The following DGKA variants were observed in gnomAD, a reference collection of about 807,000 sequenced individuals.
DGKA encodes 80 kDa diacylglycerol kinase.
DGKA carries 35 observed loss-of-function variants against 105.0 expected under a neutral mutation model. The observed-to-expected ratio is 0.33, with a 90% CI of 0.25 to 0.44. The LOEUF (loss-of-function observed/expected upper bound fraction) is 0.44, where lower values mean the gene tolerates loss of function less well. Among genes scored for constraint, DGKA ranks in the 20% least tolerant of loss-of-function variants. The pLI is 1.00. For missense variants in DGKA, 665 were observed against 915.0 expected (o/e 0.73, Z 3.53); for synonymous variants, 296 against 332.0 (o/e 0.89, Z 1.18).
At chr12:55,937,324 T>C in intron 3 of DGKA, 84 bp from the exon 4 acceptor site, 1 of 1,502,676 alleles carries the variant, frequency 6.7e-7, no homozygotes, top group Non-Finnish European at 9.1e-7. Context: ...CTGCATTTAT[T>C]ATCCCTGTCC....
chr12:55,944,792 A>G (rs943350152), intron 17 of DGKA, among the ~76,000 whole-genome samples: 11 of 152,056 alleles, frequency 7.2e-5, no homozygotes, highest in Admixed American at 1.3e-4. Context: ...TTATTCATTT[A>G]TTTATTTTTA....
chr12:55,944,852 T>G (rs1886698430), intron 17 of DGKA, among the ~76,000 whole-genome samples: 1 of 152,166 alleles, frequency 6.6e-6, no homozygotes, highest in Non-Finnish European at 1.5e-5. Context: ...TAGACTGGAG[T>G]GCAGTGGCAC....
In DGKA at chr12:55,932,972, G is replaced by A. The variant is rs1013939508; in HGVS notation, c.-82+1628G>A. ...CCCTCTGGGGCAGCCTCAATATTCT[G>A]GAGACATAGCTATTTCCTGAGTAAT... On this transcript the variant is annotated intron_variant, in intron 1 of 23. Transcript: ENST00000331886. This position sits in a 1 kb window ranked among gnomAD's most constrained non-coding sequence, Gnocchi z 4.3. 5.3e-6 allele frequency: 1 copy of A among 189,952 alleles called. No individual in the cohort carries two copies. Among genetic ancestry groups the A allele is most frequent in the Non-Finnish European group, 1.1e-5 (1 of 92,120 alleles). The allele number at this position is 189,952 out of a possible 1,614,324, so 11.8% of individuals were successfully genotyped here.
chr12:55,943,927 T>C (rs1267205391), intron 17 of DGKA, among the ~76,000 whole-genome samples: 1 of 152,194 alleles, frequency 6.6e-6, no homozygotes, highest in East Asian at 1.9e-4. Flanking sequence ...GCAAACAAGT[T>C]AGCAGAAAAC....
At chr12:55,939,351 A>G (rs1340004306) in intron 8 of DGKA, 46 bp downstream of exon 8, 1 of 1,613,418 alleles carries the variant, frequency 6.2e-7, no homozygotes, top group Admixed American at 1.7e-5. Context: ...GCCTTGGGTT[A>G]TGCTTGCCCG....
At position 55,942,184 on chromosome 12, in the gene DGKA, CT is replaced by C; in HGVS notation, c.1349del (p.Leu450CysfsTer22). On this transcript the variant is annotated frameshift_variant, in exon 17 of 24. Transcript: ENST00000331886. LOFTEE classifies it high-confidence loss of function. ...WILETIDKAN[L>X]PVLPPVAVLP... is the part of the protein sequence containing the mutation. ...CACCTGCCTCCGCAGACAAAGCTAA[CT>C]TGCCAGTTTTGCCTCCTGTTGCTGT... is the stretch of plus-strand genomic sequence containing the variant. The C allele has an allele frequency of 6.2e-7, 1 of 1,614,218 alleles. No homozygotes were observed. Among genetic ancestry groups the C allele is most frequent in the Non-Finnish European group, 8.5e-7 (1 of 1,180,036 alleles).
chr12:55,952,604 T>A lies in DGKA; in HGVS notation c.1744-130T>A. 2 of 1,257,596 alleles carry A rather than the reference T, an allele frequency of 1.6e-6. No individual in the cohort carries two copies. Among genetic ancestry groups the A allele is most frequent in the Non-Finnish European group, 2.3e-6 (2 of 873,850 alleles). 77.9% of individuals were successfully genotyped at this position (1,257,596 alleles called of 1,614,324 possible). On this transcript the variant is annotated intron_variant, in intron 20 of 23. Coordinates refer to ENST00000331886, the MANE Select transcript of DGKA (RefSeq NM_001345.5). The surrounding 1 kb of genome is among the most constrained non-coding windows in gnomAD (Gnocchi z 5.1). Reference sequence around the variant, plus strand: ...CAAGATACACTAGTCCCTATTTCCATTCCTTGCACACCTCCAAATCCTGCC... The same window carrying A: ...CAAGATACACTAGTCCCTATTTCCAATCCTTGCACACCTCCAAATCCTGCC...
rs1207071314 is a variant in DGKA, at chr12:55,940,500, C to G, written c.918+67C>G. ...CAGAGCTGCCTTCTCCACGGGCCTCCGGCCACACCTCCTTTACAGGCACAG... is the reference window on the plus strand; with the variant it reads ...CAGAGCTGCCTTCTCCACGGGCCTCGGGCCACACCTCCTTTACAGGCACAG... On this transcript the variant is annotated intron_variant, in intron 11 of 23. Transcript: ENST00000331886. This position sits in a 1 kb window ranked among gnomAD's most constrained non-coding sequence, Gnocchi z 4.3. 6.3e-7 allele frequency: 1 copy of G among 1,595,658 alleles called. No individual in the cohort carries two copies. Among genetic ancestry groups the G allele is most frequent in the Non-Finnish European group, 8.5e-7 (1 of 1,170,584 alleles).
intron 3 of DGKA, 134 bp downstream of exon 3, chr12:55,937,224 C>A: frequency 8.2e-7 from 1 of 1,219,088 alleles, no homozygotes; most frequent in Non-Finnish European, 1.2e-6. Flanking sequence ...CATTGTCACT[C>A]TGACTATTGC....
At chr12:55,951,530 C>T in intron 17 of DGKA, 93 bp from the exon 18 acceptor site, 1 of 1,392,278 alleles carries the variant, frequency 7.2e-7, no homozygotes, top group Non-Finnish European at 9.8e-7. Context: ...AGAAACAGGG[C>T]AGAAGGCCCC....
chr12:55,927,328 C>T (rs1283293744), upstream of DGKA: 2 of 767,310 alleles, frequency 2.6e-6, no homozygotes, highest in Non-Finnish European at 2.3e-6. Flanking sequence ...CATTACTGAG[C>T]GCTTGCTGCC....
At chr12:55,944,782 T>C (rs923715967) in intron 17 of DGKA, among the ~76,000 whole-genome samples, 2 of 152,116 alleles carry the variant, frequency 1.3e-5, no homozygotes, top group African/African-American at 4.8e-5. Flanking sequence ...ATTTATTCAT[T>C]TATTCATTTA....
rs914273025 is a variant in DGKA, at chr12:55,932,963, C to T, written c.-82+1619C>T. ...GGCTCCTGCCCCTCTGGGGCAGCCTCAATATTCTGGAGACATAGCTATTTC... is the reference window on the plus strand; with the variant it reads ...GGCTCCTGCCCCTCTGGGGCAGCCTTAATATTCTGGAGACATAGCTATTTC... On this transcript the variant is annotated intron_variant, in intron 1 of 23. Transcript: ENST00000331886. The surrounding 1 kb of genome is among the most constrained non-coding windows in gnomAD (Gnocchi z 4.3). 3.4e-4 allele frequency: 68 copies of T among 199,788 alleles called. No individual in the cohort carries two copies. Among genetic ancestry groups the T allele is most frequent in the African/African-American group, 1.5e-3 (66 of 43,352 alleles). The allele number at this position is 199,788 out of a possible 1,614,324, so 12.4% of individuals were successfully genotyped here. A position where few individuals can be genotyped will look rare whatever the true frequency, so the allele number is the denominator to read the frequency against.
chr12:55,937,134 A>G, intron 3 of DGKA, 44 bp downstream of exon 3: 1 of 1,605,308 alleles, frequency 6.2e-7, no homozygotes, highest in East Asian at 2.2e-5. Flanking sequence ...AACTCTTCCC[A>G]TCTTTGTTTT....
chr12:55,945,267 G>C (rs1273453068), intron 17 of DGKA, among the ~76,000 whole-genome samples: 1 of 152,190 alleles, frequency 6.6e-6, no homozygotes, highest in Non-Finnish European at 1.5e-5. Context: ...AGAGTCATCT[G>C]CTCCTAGGTG....
intron 13 of DGKA, 30 bp from the exon 14 acceptor site, chr12:55,941,222 C>T (rs201880018): frequency 4.4e-6 from 7 of 1,595,860 alleles, no homozygotes; most frequent in Non-Finnish European, 5.1e-6. Flanking sequence ...ATCCTGCTTT[C>T]TTTGTCCTTA....
upstream of DGKA, chr12:55,927,690 G>A (rs1416073444): frequency 2.6e-6 from 4 of 1,538,464 alleles, no homozygotes; most frequent in Non-Finnish European, 3.5e-6. Context: ...CCGCGGGAGG[G>A]GCGTGCAAGG....
At position 55,939,214 on chromosome 12, in the gene DGKA, A is replaced by G. The variant is rs1271943828; in HGVS notation, c.503A>G (p.Asp168Gly). 4 of 1,614,144 alleles carry G rather than the reference A, an allele frequency of 2.5e-6. No homozygotes were observed. The highest frequency in any genetic ancestry group is 2.5e-6 in the Non-Finnish European group (3 of 1,180,030). ...PILQEMMKEI[D>G]YDGSGSVSQA... ...CTTCAGGAGATGATGAAAGAGATTG[A>G]CTATGATGGCAGTGGCTCTGTCTCT... is the stretch of plus-strand genomic sequence containing the variant. The change falls in exon 8 of 24, where the codon GAC becomes GGC. Residue 168 changes from aspartate to glycine, a missense_variant. Asp to Gly is a moderately conservative substitution (Grantham distance 94). Coordinates refer to ENST00000331886, the MANE Select transcript of DGKA (RefSeq NM_001345.5).
At chr12:55,927,904 G>T, upstream of DGKA, 1 of 1,109,336 alleles carries the variant, frequency 9.0e-7, no homozygotes, top group Non-Finnish European at 1.3e-6. Flanking sequence ...TGCCTCCTCG[G>T]GCTGGGCCCT....
Sources: gnomAD v4.1 joint callset for allele counts (sites outside exome capture counted in the v4.1 genomes callset) on GRCh38, gnomAD v4.1.1 for gene constraint, Gnocchi (gnomAD v3.1) non-coding constraint, MANE v1.5 for transcripts, NCBI Gene and HGNC (gene_info 2026-07-23, HGNC 2026-07-21) for gene names.